Variants in CC2D1A observed in about 807,000 individuals in gnomAD.
CC2D1A encodes the protein coiled-coil and C2 domain-containing protein 1A.
A neutral mutation model predicts 123.8 loss-of-function variants in CC2D1A; 68 were observed. That is an observed-to-expected ratio of 0.55 (90% CI 0.45 to 0.67). The LOEUF (loss-of-function observed/expected upper bound fraction) is 0.67, where lower values mean the gene tolerates loss of function less well. Ranked by LOEUF, CC2D1A falls within the 30% of genes least tolerant of loss-of-function variation. CC2D1A has a pLI of 0.00. For synonymous variants in CC2D1A, 477 were observed against 528.0 expected, an observed-to-expected ratio of 0.90 and a Z score of 1.32; for missense variants, 1,185 against 1,290.3, an observed-to-expected ratio of 0.92 and a Z score of 1.25.
At chr19:13,918,009 G>C (rs532988143) in intron 6 of CC2D1A, 61 bp from the exon 7 acceptor site, 97 of 1,569,182 alleles carry the variant, frequency 6.2e-5, no homozygotes, top group Non-Finnish European at 8.1e-5. Flanking sequence ...ATAACAAATG[G>C]TTTACACGGT....
At chr19:13,917,939 C>T (rs1366637932) in intron 6 of CC2D1A, 131 bp from the exon 7 acceptor site, 3 of 964,790 alleles carry the variant, frequency 3.1e-6, no homozygotes, top group Non-Finnish European at 4.4e-6. Context: ...CCACTGTACC[C>T]CAGCATGGGC....
At chr19:13,908,862 G>A (rs1970889737) in intron 1 of CC2D1A, among the ~76,000 whole-genome samples, 1 of 151,306 alleles carries the variant, frequency 6.6e-6, no homozygotes. Context: ...TCCCTCCCTC[G>A]CTTCCTTCTT....
At position 13,930,404 on chromosome 19, in the gene CC2D1A, T is replaced by G; in HGVS notation, c.*9T>G. 1 of 1,604,504 alleles carries G rather than the reference T, an allele frequency of 6.2e-7. No homozygotes were observed. On this transcript the variant is annotated 3_prime_UTR_variant, in exon 29 of 29. Coordinates refer to ENST00000318003, the MANE Select transcript of CC2D1A (RefSeq NM_017721.5). This position sits in a 1 kb window ranked among gnomAD's most constrained non-coding sequence, Gnocchi z 6.8. ...AGCGGCTCCGCAGGTGAGGAGCCCATGGGGCGGGCAGCCCCCAGAAAGCGG... is the reference window on the plus strand; with the variant it reads ...AGCGGCTCCGCAGGTGAGGAGCCCAGGGGGCGGGCAGCCCCCAGAAAGCGG...
At position 13,913,486 on chromosome 19, in the gene CC2D1A, A is replaced by G. The variant is rs140981157; in HGVS notation, c.596A>G (p.Lys199Arg). 1 of 1,614,190 alleles carries G rather than the reference A, an allele frequency of 6.2e-7. No individual in the cohort carries two copies. The highest frequency in any genetic ancestry group is 1.3e-5 in the African/African-American group (1 of 75,060). The stretch of plus-strand genomic sequence containing the variant: ...ATCCCGCCGCCAGTGGCCATAGGAA[A>G]AGGCCCGGCGTCCACGCCTACCTAC... ...ADIPPPVAIG[K>R]GPASTPTYSP... Residue 199 changes from lysine (K) to arginine (R), a missense_variant, in exon 6 of 29, where the codon AAA becomes AGA. By Grantham distance (26) the Lys-to-Arg change is conservative. Coordinates refer to ENST00000318003, the MANE Select transcript of CC2D1A (RefSeq NM_017721.5).
At chr19:13,912,620 T>C (rs749234102) in intron 4 of CC2D1A, 27 bp downstream of exon 4, 1 of 1,611,948 alleles carries the variant, frequency 6.2e-7, no homozygotes, top group South Asian at 1.1e-5. Flanking sequence ...TCCACTCCCT[T>C]GAACCACAAC....
At chr19:13,924,075 G>A (rs986931644) in intron 17 of CC2D1A, among the ~76,000 whole-genome samples, 4 of 152,208 alleles carry the variant, frequency 2.6e-5, no homozygotes, top group Admixed American at 6.5e-5. Flanking sequence ...GTGAGTCCAC[G>A]GGGGACCAGA....
In CC2D1A at chr19:13,906,334, G is replaced by T; in HGVS notation, c.-108G>T. Reference sequence around the variant, plus strand: ...GGATCGACGGCCGCGGGGCGCCGACGAGGAGTGCAGGACTCAGGAAGGGCG... The same window carrying T: ...GGATCGACGGCCGCGGGGCGCCGACTAGGAGTGCAGGACTCAGGAAGGGCG... On this transcript the variant is annotated 5_prime_UTR_variant, in exon 1 of 29. Coordinates refer to ENST00000318003, the MANE Select transcript of CC2D1A (RefSeq NM_017721.5). This position sits in a 1 kb window ranked among gnomAD's most constrained non-coding sequence, Gnocchi z 4.1. 1 of 816,002 alleles carries T rather than the reference G, an allele frequency of 1.2e-6. No individual in the cohort carries two copies. The highest frequency in any genetic ancestry group is 4.2e-5 in the Admixed American group (1 of 23,836). The allele number at this position is 816,002 out of a possible 1,614,324, so 50.5% of individuals were successfully genotyped here.
Position 13,918,162 on chromosome 19 carries a change from A to G in CC2D1A, c.841A>G (p.Thr281Ala). 1 of 1,604,850 alleles carries G rather than the reference A, an allele frequency of 6.2e-7. No individual in the cohort carries two copies. Among genetic ancestry groups the G allele is most frequent in the Non-Finnish European group, 8.5e-7 (1 of 1,176,992 alleles). ...ALHAKQQGDT[T>A]AAARHFRVAK... is the part of the protein sequence containing the mutation. ...CCACGCCAAGCAGCAGGGAGATACC[A>G]CTGCTGCCGCTAGACACTTCCGCGT... Residue 281 changes from threonine to alanine, a missense_variant, in exon 7 of 29, where the codon ACT becomes GCT. By Grantham distance (58) the Thr-to-Ala change is moderately conservative. Transcript: ENST00000318003.
Position 13,919,031 on chromosome 19 carries a change from C to T in CC2D1A, c.1138C>T (p.Arg380Cys), listed in dbSNP as rs769364533. The change falls in exon 10 of 29, where the codon CGC becomes TGC. Residue 380 changes from arginine to cysteine, a missense_variant. Physicochemically the swap from Arg to Cys is radical, Grantham distance 180. Coordinates refer to ENST00000318003, the MANE Select transcript of CC2D1A (RefSeq NM_017721.5). ...GDQRKARMHE[R>C]IVKQYQDAIR... ...CCAGCGGAAAGCTCGAATGCACGAG[C>T]GCATCGTCAAGGTGCCCTGGGGGTT... 5 of 1,607,054 alleles carry T rather than the reference C, an allele frequency of 3.1e-6. No individual in the cohort carries two copies. The highest frequency in any genetic ancestry group is 3.4e-6 in the Non-Finnish European group (4 of 1,176,558).
chr19:13,918,418 G>C (rs1971280926), intron 7 of CC2D1A, 86 bp from the exon 8 acceptor site: 37 of 1,327,686 alleles, frequency 2.8e-5, no homozygotes, highest in Non-Finnish European at 3.8e-5. Flanking sequence ...AGAAGTCCTC[G>C]GTGGCATGGA....
In CC2D1A at chr19:13,928,192, G is replaced by C; in HGVS notation, c.2519+4G>C. ...CTGCAAGGGAGTCAGGGAACAGGTAGGTATCTGGGCCAGGGCATGCTGGAG... is the reference window on the plus strand; with the variant it reads ...CTGCAAGGGAGTCAGGGAACAGGTACGTATCTGGGCCAGGGCATGCTGGAG... On this transcript the variant is annotated splice_donor_region_variant and intron_variant, in intron 24 of 28. Transcript: ENST00000318003. 6.2e-7 allele frequency: 1 copy of C among 1,612,894 alleles called. No individual in the cohort carries two copies. The highest frequency in any genetic ancestry group is 1.1e-5 in the South Asian group (1 of 91,000).
At chr19:13,911,755 G>T (rs552050664) in intron 2 of CC2D1A, among the ~76,000 whole-genome samples, 48 of 124,648 alleles carry the variant, frequency 3.9e-4, no homozygotes, top group Non-Finnish European at 6.7e-4. Flanking sequence ...TCGCTCTGTC[G>T]CCCAGGCTGG....
At chr19:13,914,119 C>T (rs918254895) in intron 6 of CC2D1A, among the ~76,000 whole-genome samples, 4 of 151,840 alleles carry the variant, frequency 2.6e-5, no homozygotes, top group Non-Finnish European at 5.9e-5. Context: ...CTCAGGTGAT[C>T]CACCCACTTC....
intron 1 of CC2D1A, among the ~76,000 whole-genome samples, chr19:13,908,109 G>T (rs550803799): frequency 1.3e-5 from 2 of 151,132 alleles, no homozygotes; most frequent in African/African-American, 4.9e-5. Context: ...GGGTTCAAGC[G>T]ATTCTCCTGC....
chr19:13,919,678 A>AG, intron 11 of CC2D1A, 140 bp from the exon 12 acceptor site: 1 of 326,120 alleles, frequency 3.1e-6, no homozygotes, highest in Non-Finnish European at 4.7e-6. Flanking sequence ...ATCCTGTCTC[A>AG]AAAAAAAAAA....
chr19:13,909,696 C>T, intron 1 of CC2D1A, 127 bp from the exon 2 acceptor site: 1 of 1,258,342 alleles, frequency 7.9e-7, no homozygotes, highest in East Asian at 2.3e-5. Context: ...TCCTGGCACT[C>T]CCCAGGGAAA....
At chr19:13,909,675 T>C (rs1970923729) in intron 1 of CC2D1A, 148 bp from the exon 2 acceptor site, 1 of 1,027,946 alleles carries the variant, frequency 9.7e-7, no homozygotes, top group Non-Finnish European at 1.5e-6. Flanking sequence ...TGTTCTGGGC[T>C]TGTTCCAGCC....
chr19:13,910,853 G>C (rs1970974507), intron 2 of CC2D1A, among the ~76,000 whole-genome samples: 1 of 152,148 alleles, frequency 6.6e-6, no homozygotes, highest in South Asian at 2.1e-4. Flanking sequence ...AGCAGTTGCA[G>C]TGGGCAGAGA....
intron 11 of CC2D1A, among the ~76,000 whole-genome samples, 196 bp downstream of exon 11, chr19:13,919,398 T>G (rs1313694931): frequency 6.6e-6 from 1 of 152,222 alleles, no homozygotes; most frequent in Non-Finnish European, 1.5e-5. Context: ...GTAAACTTGT[T>G]AATCAGTGGG....
Sources: allele counts gnomAD v4.1 joint callset (sites outside exome capture counted in the v4.1 genomes callset), GRCh38; gene constraint gnomAD v4.1.1; non-coding constraint Gnocchi (gnomAD v3.1); transcripts MANE v1.5; gene names NCBI Gene and HGNC (gene_info 2026-07-23, HGNC 2026-07-21).